The following AQP7B variants were observed in gnomAD, a reference collection of about 807,000 sequenced individuals.
AQP7B encodes the protein putative aquaporin-7B.
the AQP7B span, among the ~76,000 whole-genome samples, chr2:94,591,455 C>T: frequency 2.7e-4 from 41 of 152,294 alleles, no homozygotes; most frequent in African/African-American, 9.1e-4. Flanking sequence ...CTCTGTGGCT[C>T]AGGCTGCCAC....
the AQP7B span, among the ~76,000 whole-genome samples, chr2:94,590,408 G>C: frequency 1.3e-5 from 2 of 151,872 alleles, no homozygotes; most frequent in African/African-American, 4.8e-5. Flanking sequence ...GGCTGGTCTT[G>C]AACTCCTGAC....
At chr2:94,594,194 C>T in the AQP7B span, among the ~76,000 whole-genome samples, 2 of 152,128 alleles carry the variant, frequency 1.3e-5, no homozygotes, top group African/African-American at 2.4e-5. Flanking sequence ...TTTGCTGACC[C>T]CTTCATTTTT....
the AQP7B span, among the ~76,000 whole-genome samples, chr2:94,590,944 CAAAAAA>C: frequency 1.5e-3 from 75 of 49,092 alleles, no homozygotes; most frequent in Middle Eastern, 0.025. Context: ...GACCCTGTCT[CAAAAAA>C]AAAAAAAAAA....
chr2:94,588,664 T>C, the AQP7B span: 28 of 781,828 alleles, frequency 3.6e-5, no homozygotes, highest in African/African-American at 4.3e-4. Flanking sequence ...CCCCTTGACC[T>C]CCTCCTCCCC....
chr2:94,601,143 A>G, the AQP7B span, among the ~76,000 whole-genome samples: 1 of 152,230 alleles, frequency 6.6e-6, no homozygotes, highest in Non-Finnish European at 1.5e-5. Flanking sequence ...TGGCACAGGT[A>G]ACTGCCTGGA....
the AQP7B span, among the ~76,000 whole-genome samples, chr2:94,601,031 G>T: frequency 6.6e-6 from 1 of 152,196 alleles, no homozygotes; most frequent in African/African-American, 2.4e-5. Flanking sequence ...GGGTGATAGA[G>T]CAAAACCCTA....
At chr2:94,591,132 C>A in the AQP7B span, among the ~76,000 whole-genome samples, 1 of 151,952 alleles carries the variant, frequency 6.6e-6, no homozygotes, top group East Asian at 1.9e-4. Context: ...GCTCTCTCAT[C>A]TATGCCCATG....
At chr2:94,595,926 G>A in the AQP7B span, among the ~76,000 whole-genome samples, 1 of 152,244 alleles carries the variant, frequency 6.6e-6, no homozygotes, top group Non-Finnish European at 1.5e-5. Context: ...CACAACACAG[G>A]TGGTGGTTGT....
chr2:94,602,677 T>C, the AQP7B span: 1 of 1,492,152 alleles, frequency 6.7e-7, no homozygotes, highest in Non-Finnish European at 9.2e-7. Flanking sequence ...GGCTCTTTCC[T>C]GCCCACCTCA....
the AQP7B span, among the ~76,000 whole-genome samples, chr2:94,600,189 G>C: frequency 6.6e-6 from 1 of 152,040 alleles, no homozygotes; most frequent in Non-Finnish European, 1.5e-5. Flanking sequence ...TTCTTACCCT[G>C]TACCCTCTCC....
chr2:94,603,759 C>G, the AQP7B span: 6 of 1,526,512 alleles, frequency 3.9e-6, no homozygotes, highest in Non-Finnish European at 5.3e-6. Context: ...CCATCACGGA[C>G]CAGGAGAACA....
chr2:94,594,636 G>A, the AQP7B span: 754 of 720,702 alleles, frequency 1.0e-3, 5 homozygotes, highest in African/African-American at 0.01. Context: ...AGGCGTGTGT[G>A]GCGAGGCTGC....
At chr2:94,591,878 A>G in the AQP7B span, among the ~76,000 whole-genome samples, 4 of 152,096 alleles carry the variant, frequency 2.6e-5, no homozygotes, top group East Asian at 7.8e-4. Flanking sequence ...CACATGCCCC[A>G]CAGTGCCCAC....
At chr2:94,600,520 C>T in the AQP7B span, among the ~76,000 whole-genome samples, 2 of 152,060 alleles carry the variant, frequency 1.3e-5, no homozygotes, top group African/African-American at 4.8e-5. Flanking sequence ...TTGCTTAAGG[C>T]CAGGAGCTCA....
the AQP7B span, chr2:94,594,708 C>T: frequency 1.4e-6 from 2 of 1,424,362 alleles, no homozygotes; most frequent in Non-Finnish European, 2.0e-6. Context: ...AAACTTGAGT[C>T]TCCTTTCTGT....
the AQP7B span, among the ~76,000 whole-genome samples, chr2:94,600,293 G>A: frequency 3.3e-5 from 5 of 152,238 alleles, no homozygotes; most frequent in East Asian, 7.7e-4. Context: ...GAGTTCTCCA[G>A]GGGAAATACA....
chr2:94,592,226 G>T, the AQP7B span, among the ~76,000 whole-genome samples: 1 of 152,250 alleles, frequency 6.6e-6, no homozygotes, highest in Admixed American at 6.5e-5. Flanking sequence ...ACCTCGCCCT[G>T]CTAGGGAGAG....
the AQP7B span, among the ~76,000 whole-genome samples, chr2:94,594,449 G>A: frequency 6.6e-6 from 1 of 152,200 alleles, no homozygotes; most frequent in African/African-American, 2.4e-5. Flanking sequence ...ACCGTGGATT[G>A]CACTTTCAGC....
chr2:94,595,829 G>T, the AQP7B span, among the ~76,000 whole-genome samples: 2 of 152,168 alleles, frequency 1.3e-5, 1 homozygote, highest in African/African-American at 4.8e-5. Context: ...CAAGATGCCT[G>T]TGGGGAAATC....
Sources: allele counts gnomAD v4.1 joint callset (sites outside exome capture counted in the v4.1 genomes callset), GRCh38; gene constraint gnomAD v4.1.1; transcripts MANE v1.5; gene names NCBI Gene and HGNC (gene_info 2026-07-23, HGNC 2026-07-21).